Variants in GRIK4 observed in about 807,000 individuals in gnomAD.
The protein encoded by GRIK4 is glutamate ionotropic receptor kainate type subunit 4, also known as glutamate receptor ionotropic, kainate 4.
GRIK4 carries 40 observed loss-of-function variants against 104.9 expected under a neutral mutation model. That is an observed-to-expected ratio of 0.38 (90% CI 0.30 to 0.50). GRIK4 has a LOEUF of 0.50. Among genes scored for constraint, GRIK4 ranks in the 20% least tolerant of loss-of-function variants. The pLI is 0.93. For missense variants in GRIK4, 1,047 were observed against 1,308.1 expected (o/e 0.80, Z 3.08); for synonymous variants, 485 against 524.9 (o/e 0.92, Z 1.04).
chr11:120,889,064 C>G (rs764245582), intron 11 of GRIK4, among the ~76,000 whole-genome samples: 13 of 152,184 alleles, frequency 8.5e-5, no homozygotes, highest in Non-Finnish European at 1.0e-4. Flanking sequence ...CCCTCTGCTA[C>G]TAGAATGCAG....
chr11:120,785,454 G>GC (rs2135481882), intron 3 of GRIK4, among the ~76,000 whole-genome samples: 1 of 152,298 alleles, frequency 6.6e-6, no homozygotes, highest in East Asian at 1.9e-4. Flanking sequence ...TTACAAAGTG[G>GC]CCGTATACAT....
intron 13 of GRIK4, among the ~76,000 whole-genome samples, chr11:120,910,881 A>G (rs1345478561): frequency 6.6e-6 from 1 of 152,214 alleles, no homozygotes; most frequent in Admixed American, 6.5e-5. Context: ...GCTAGGCCTG[A>G]ATCTTTAAGG....
chr11:120,878,649 C>T (rs1954883615), intron 11 of GRIK4, among the ~76,000 whole-genome samples: 2 of 142,448 alleles, frequency 1.4e-5, no homozygotes, highest in South Asian at 2.4e-4. Flanking sequence ...TAGTGAGTGT[C>T]CTGCTGCTTC....
At chr11:120,556,445 G>A (rs958998063) in intron 1 of GRIK4, among the ~76,000 whole-genome samples, 5 of 152,048 alleles carry the variant, frequency 3.3e-5, no homozygotes, top group Non-Finnish European at 4.4e-5. Flanking sequence ...AAGTCATTTC[G>A]CAAGGATAAC....
rs145556588 is a variant in GRIK4, at chr11:120,962,543, A to G, written c.2128A>G (p.Ile710Val). Residue 710 changes from isoleucine (I) to valine (V), a missense_variant, in exon 18 of 21, where the codon ATC (isoleucine) becomes GTC (valine). Ile to Val is a conservative substitution (Grantham distance 29, BLOSUM62 3). Transcript: ENST00000527524. ...GTTCGTGAAGAGCACAGAGGAGGGA[A>G]TCGCCAGGGTGTTGAATTCCAACTA... ...SVFVKSTEEGIARVLNSNYAF... is the reference protein window; with the variant it reads ...SVFVKSTEEGVARVLNSNYAF... 1.3e-4 allele frequency: 210 copies of G among 1,613,926 alleles called. No individual in the cohort carries two copies. Among genetic ancestry groups the G allele is most frequent in the Non-Finnish European group, 1.6e-4 (186 of 1,179,942 alleles).
In GRIK4 at chr11:120,939,920, C is replaced by T. The variant is rs1591308523; in HGVS notation, c.1477-427C>T. 6.6e-6 allele frequency among the ~76,000 whole-genome samples: 1 copy of T among 151,340 alleles called. No individual in the cohort carries two copies. Among genetic ancestry groups the T allele is most frequent in the Middle Eastern group, 3.4e-3 (1 of 290 alleles). ...GCTTGAACTCAGGAGGCAGAGGTTG[C>T]GGCGAGCCGAGATGGCGCCACTGCA... On this transcript the variant is annotated intron_variant, in intron 13 of 20. Coordinates refer to ENST00000527524, the MANE Select transcript of GRIK4 (RefSeq NM_014619.5). The surrounding 1 kb of genome is among the most constrained non-coding windows in gnomAD (Gnocchi z 5.6).
At chr11:120,808,714 T>G (rs1163059595) in intron 4 of GRIK4, among the ~76,000 whole-genome samples, 1 of 152,176 alleles carries the variant, frequency 6.6e-6, no homozygotes, top group East Asian at 1.9e-4. Context: ...GATGGTTCTT[T>G]GGAAGTGATG....
At chr11:120,548,010 C>T in intron 1 of GRIK4, among the ~76,000 whole-genome samples, 1 of 152,188 alleles carries the variant, frequency 6.6e-6, no homozygotes, top group East Asian at 1.9e-4. Flanking sequence ...ATGGGAACTG[C>T]TGTCCACAGG....
At chr11:120,934,505 G>A (rs1280900460) in intron 13 of GRIK4, among the ~76,000 whole-genome samples, 1 of 152,138 alleles carries the variant, frequency 6.6e-6, no homozygotes, top group Non-Finnish European at 1.5e-5. Context: ...GAAGAGCAGT[G>A]GCCACGCCAA....
chr11:120,645,482 C>T (rs1021318194), intron 1 of GRIK4, among the ~76,000 whole-genome samples: 1 of 152,218 alleles, frequency 6.6e-6, no homozygotes, highest in Admixed American at 6.5e-5. Flanking sequence ...CTATACTGAC[C>T]TTGGTGAGCC....
intron 1 of GRIK4, among the ~76,000 whole-genome samples, chr11:120,559,876 G>C (rs891602158): frequency 6.6e-6 from 1 of 152,180 alleles, no homozygotes; most frequent in African/African-American, 2.4e-5. Context: ...AGCAGCGAGA[G>C]GAGACAGGCC....
rs535880415 is a variant in GRIK4 at position 120,635,925 on chromosome 11, C to A, written c.-158-17760C>A. On this transcript the variant is annotated intron_variant, in intron 1 of 20. Transcript: ENST00000527524. ...ACAGTTACTAGTTGCTCCTCTCAGA[C>A]CCCCAGCCAGCCACTGTGACCCCCA... 2.6e-5 allele frequency among the ~76,000 whole-genome samples: 4 copies of A among 152,306 alleles called. No homozygotes were observed. The South Asian group carries it at 6.2e-4, about 24-fold the overall frequency.
intron 1 of GRIK4, among the ~76,000 whole-genome samples, chr11:120,560,790 C>T (rs1286065613): frequency 1.3e-5 from 2 of 152,182 alleles, no homozygotes; most frequent in African/African-American, 2.4e-5. Context: ...GTATCTGGCA[C>T]ATAATAAGCA....
intron 1 of GRIK4, among the ~76,000 whole-genome samples, chr11:120,561,233 C>T (rs886113419): frequency 1.3e-5 from 2 of 149,442 alleles, no homozygotes; most frequent in African/African-American, 2.5e-5. Context: ...TAGCGGCAGC[C>T]AGGGGAGGGT....
intron 3 of GRIK4, among the ~76,000 whole-genome samples, chr11:120,727,618 GA>G (rs1312081598): frequency 6.6e-6 from 1 of 151,498 alleles, no homozygotes; most frequent in Non-Finnish European, 1.5e-5. Flanking sequence ...CAGAAAAGCA[GA>G]AAAAAATAAA....
chr11:120,531,993 C>T (rs1947928595), intron 1 of GRIK4, among the ~76,000 whole-genome samples: 1 of 152,168 alleles, frequency 6.6e-6, no homozygotes, highest in Admixed American at 6.5e-5. Flanking sequence ...CCCTTTACTC[C>T]CAAATGGAGA....
chr11:120,847,879 A>G (rs1953888069), intron 8 of GRIK4, among the ~76,000 whole-genome samples: 1 of 152,240 alleles, frequency 6.6e-6, no homozygotes, highest in Admixed American at 6.5e-5. Flanking sequence ...ATAGCTGTCA[A>G]TAGGTGTCCC....
rs1555104876 is a variant in GRIK4, at chr11:120,963,997, T to TATTTATTTATTTATTTA, written c.2266+1316_2266+1317insATTTATTTATTTATTTA. On this transcript the variant is annotated intron_variant, in intron 18 of 20. Coordinates refer to ENST00000527524, the MANE Select transcript of GRIK4 (RefSeq NM_014619.5). ...TTTATTTATTTATTTATTTATTTAT[T>TATTTATTTATTTATTTA]TTTATTTATTTTTGAGATGGAGCCT... 1.7e-3 allele frequency among the ~76,000 whole-genome samples: 243 copies of TATTTATTTATTTATTTA among 146,344 alleles called. 2 individuals carry two copies. Among genetic ancestry groups the TATTTATTTATTTATTTA allele is most frequent in the Middle Eastern group, 7.0e-3 (2 of 286 alleles).
chr11:120,547,977 A>T (rs573703661), intron 1 of GRIK4, among the ~76,000 whole-genome samples: 1 of 152,266 alleles, frequency 6.6e-6, no homozygotes, highest in African/African-American at 2.4e-5. Flanking sequence ...TGTGACTCAG[A>T]GGGTGGCTGT....
Sources: allele counts gnomAD v4.1 joint callset (sites outside exome capture counted in the v4.1 genomes callset), GRCh38; gene constraint gnomAD v4.1.1; non-coding constraint Gnocchi (gnomAD v3.1); transcripts MANE v1.5; gene names NCBI Gene and HGNC (gene_info 2026-07-23, HGNC 2026-07-21).